PNKD: variants seen among roughly 807,000 people sequenced by gnomAD.
The protein encoded by PNKD is PNKD metallo-beta-lactamase domain containing.
A neutral mutation model predicts 45.3 loss-of-function variants in PNKD; 36 were observed. The ratio of observed to expected loss-of-function variants is 0.80; its 90% confidence interval spans 0.61 to 1.05. The LOEUF (loss-of-function observed/expected upper bound fraction) is 1.05. Among genes scored for constraint, PNKD ranks in the 50% least tolerant of loss-of-function variants. The pLI is 0.00. For missense variants in PNKD, 511 were observed against 506.6 expected (o/e 1.01, Z -0.08); for synonymous variants, 197 against 210.1 (o/e 0.94, Z 0.54).
chr2:218,278,388 T>C, intron 2 of PNKD: 2 of 994,074 alleles, frequency 2.0e-6, no homozygotes, highest in Non-Finnish European at 3.1e-6. Flanking sequence ...GCTGTCATCG[T>C]CATCCTCCTC....
chr2:218,293,764 T>C (rs1693060970), intron 2 of PNKD, among the ~76,000 whole-genome samples: 1 of 91,080 alleles, frequency 1.1e-5, no homozygotes, highest in South Asian at 3.9e-4. Context: ...GTTTGTTTGC[T>C]TGTTTGTTTT....
intron 1 of PNKD, chr2:218,271,111 A>G: frequency 1.8e-6 from 1 of 555,536 alleles, no homozygotes; most frequent in Non-Finnish European, 3.2e-6. Context: ...AGTCCTTCCC[A>G]TGCTGTCGTC....
intron 2 of PNKD, among the ~76,000 whole-genome samples, chr2:218,278,767 G>A (rs1044941629): frequency 2.0e-5 from 3 of 152,338 alleles, no homozygotes; most frequent in Non-Finnish European, 4.4e-5. Context: ...AAGGAGGTCT[G>A]GGGAGGCTGC....
At chr2:218,273,522 C>T (rs1247961769) in intron 2 of PNKD, among the ~76,000 whole-genome samples, 36 of 147,692 alleles carry the variant, frequency 2.4e-4, no homozygotes, top group African/African-American at 7.5e-4. Flanking sequence ...CTCTTGTTGC[C>T]CAGGCTGGAG....
rs1262201556 is a variant in PNKD, at chr2:218,278,628, C to T, written c.236+7079C>T. 1.9e-6 allele frequency: 3 copies of T among 1,580,700 alleles called. No homozygotes were observed. In the East Asian group the frequency reaches 6.7e-5, roughly 35 times the overall value. On this transcript the variant is annotated intron_variant, in intron 2 of 9. Coordinates refer to ENST00000273077, the MANE Select transcript of PNKD (RefSeq NM_015488.5). ...ATCTGCCCCGCTTGGCAGCACACAC[C>T]AGGCCAGTGATTTGGGGCCCAAATA...
At position 218,342,124 on chromosome 2, in the gene PNKD, T is replaced by C. The variant is rs760965459; in HGVS notation, c.761T>C (p.Leu254Pro). The stretch of plus-strand genomic sequence containing the variant: ...CCCTCCTGCCTCTTCTCAGGGGACC[T>C]GCTCTTCCTCTCTGGCTGTGGTGAG... ...KGPSCLFSGDLLFLSGCGRTF... is the reference protein window; with the variant it reads ...KGPSCLFSGDPLFLSGCGRTF... Residue 254 changes from leucine to proline, a missense_variant, in exon 7 of 10, where the codon CTG becomes CCG. By Grantham distance (98) the Leu-to-Pro change is moderately conservative. Transcript: ENST00000273077. The C allele has an allele frequency of 6.2e-7, 1 of 1,613,538 alleles. No homozygotes were observed. The highest frequency in any genetic ancestry group is 8.5e-7 in the Non-Finnish European group (1 of 1,179,860).
chr2:218,343,866 A>C (rs1694753237), intron 8 of PNKD, among the ~76,000 whole-genome samples: 1 of 152,264 alleles, frequency 6.6e-6, no homozygotes, highest in South Asian at 2.1e-4. Flanking sequence ...AGAGATGTCT[A>C]ATTGTTCATA....
intron 2 of PNKD, chr2:218,279,419 G>T: frequency 6.9e-7 from 1 of 1,444,608 alleles, no homozygotes; most frequent in Non-Finnish European, 9.3e-7. Flanking sequence ...GAAGCTGCCA[G>T]CCCCCAGTAC....
intron 2 of PNKD, among the ~76,000 whole-genome samples, chr2:218,283,302 C>T (rs1296853888): frequency 6.6e-6 from 1 of 152,220 alleles, no homozygotes; most frequent in African/African-American, 2.4e-5. Flanking sequence ...CCCCAGAACT[C>T]GCAGGTCAGT....
chr2:218,297,626 A>T (rs1164369849), intron 2 of PNKD, among the ~76,000 whole-genome samples: 1 of 141,544 alleles, frequency 7.1e-6, no homozygotes, highest in Non-Finnish European at 1.5e-5. Context: ...CAGAGGTTGC[A>T]GTGAGCCGAG....
chr2:218,282,879 T>G (rs1375217679), intron 2 of PNKD, among the ~76,000 whole-genome samples: 1 of 152,180 alleles, frequency 6.6e-6, no homozygotes, highest in African/African-American at 2.4e-5. Context: ...CAGGACTTTC[T>G]GGTTCCTTCA....
At chr2:218,306,868 T>A (rs1048964980) in intron 2 of PNKD, among the ~76,000 whole-genome samples, 2 of 152,214 alleles carry the variant, frequency 1.3e-5, no homozygotes, top group African/African-American at 4.8e-5. Context: ...TGTTTGGTCA[T>A]CTGACAAACA....
intron 2 of PNKD, among the ~76,000 whole-genome samples, chr2:218,327,616 C>A (rs531453025): frequency 2.6e-5 from 4 of 152,228 alleles, no homozygotes; most frequent in Non-Finnish European, 4.4e-5. Flanking sequence ...CTTCTGCAAG[C>A]CACATTGCCG....
chr2:218,341,467 T>C, intron 5 of PNKD, 67 bp from the exon 6 acceptor site: 1 of 1,032,556 alleles, frequency 9.7e-7, no homozygotes. Context: ...GGAGATGCTG[T>C]GGTAAAGAAG....
intron 2 of PNKD, among the ~76,000 whole-genome samples, chr2:218,288,203 C>T (rs1448982670): frequency 2.6e-5 from 4 of 151,584 alleles, no homozygotes; most frequent in South Asian, 2.1e-4. Context: ...CCAAGGCGGG[C>T]GGATCACGAG....
In PNKD at chr2:218,333,892, A is replaced by G. The variant is rs1435837755; in HGVS notation, c.237-5891A>G. Among the ~76,000 whole-genome samples, 8 of 150,526 alleles carry G rather than the reference A, an allele frequency of 5.3e-5. No individual in the cohort carries two copies. In the Admixed American group the frequency reaches 5.4e-4, roughly 10 times the overall value. On this transcript the variant is annotated intron_variant, in intron 2 of 9. Coordinates refer to ENST00000273077, the MANE Select transcript of PNKD (RefSeq NM_015488.5). ...CACTTTGGGAGGCCAAGGCGGGTGGATCACCTGAAGTCAGGAGTTCCAGAC... is the reference window on the plus strand; with the variant it reads ...CACTTTGGGAGGCCAAGGCGGGTGGGTCACCTGAAGTCAGGAGTTCCAGAC...
intron 2 of PNKD, among the ~76,000 whole-genome samples, chr2:218,284,861 C>G (rs544613894): frequency 6.6e-6 from 1 of 152,296 alleles, no homozygotes; most frequent in South Asian, 2.1e-4. Context: ...GAGGCCGAGG[C>G]AGGTGGATCA....
chr2:218,295,071 G>A (rs1487922345), intron 2 of PNKD, among the ~76,000 whole-genome samples: 1 of 152,196 alleles, frequency 6.6e-6, no homozygotes, highest in Non-Finnish European at 1.5e-5. Flanking sequence ...GGGCACACGA[G>A]GCAAGCCCAC....
chr2:218,271,714 G>C, intron 2 of PNKD, among the ~76,000 whole-genome samples, 165 bp downstream of exon 2: 1 of 152,190 alleles, frequency 6.6e-6, no homozygotes, highest in East Asian at 1.9e-4. Context: ...GTGGAGGTGG[G>C]AAAGTATGTG....
Sources: gnomAD v4.1 joint callset for allele counts (sites outside exome capture counted in the v4.1 genomes callset) on GRCh38, gnomAD v4.1.1 for gene constraint, MANE v1.5 for transcripts, NCBI Gene and HGNC (gene_info 2026-07-23, HGNC 2026-07-21) for gene names.